CABIN1: variants seen among roughly 807,000 people sequenced by gnomAD.
CABIN1 encodes the protein calcineurin-binding protein cabin-1.
A neutral mutation model predicts 227.7 loss-of-function variants in CABIN1; 133 were observed. That is an observed-to-expected ratio of 0.58 (90% confidence interval 0.51 to 0.67). CABIN1 has a LOEUF of 0.67. Ranked by LOEUF, CABIN1 falls within the 30% of genes least tolerant of loss-of-function variation. The pLI is 0.00. For missense variants in CABIN1, 2,408 were observed against 2,852.5 expected, an observed-to-expected ratio of 0.84 and a Z score of 3.55; for synonymous variants, 1,086 against 1,155.1, an observed-to-expected ratio of 0.94 and a Z score of 1.21.
rs773669460 is a variant in CABIN1, at chr22:24,055,171, C to T, written c.1093+12C>T. 8 of 1,607,948 alleles carry T rather than the reference C, an allele frequency of 5.0e-6. No individual in the cohort carries two copies. Among genetic ancestry groups the T allele is most frequent in the Non-Finnish European group, 6.8e-6 (8 of 1,179,978 alleles). On this transcript the variant is annotated intron_variant, in intron 9 of 36. Coordinates refer to ENST00000263119, the MANE Select transcript of CABIN1 (RefSeq NM_012295.4). ...AGGCGCTCCTGTGGGTAAGCAGGCC[C>T]CCTGAATTTGGCTTCCGGGGAGACC...
chr22:24,097,910 TG>T, intron 25 of CABIN1, 103 bp from the exon 26 acceptor site: 1 of 1,442,276 alleles, frequency 6.9e-7, no homozygotes, highest in Non-Finnish European at 9.8e-7. Flanking sequence ...CAGAGGTGCA[TG>T]GGAGCAGTGG....
chr22:24,118,943 A>G (rs176160), intron 27 of CABIN1, among the ~76,000 whole-genome samples: 2 of 152,150 alleles, frequency 1.3e-5, no homozygotes, highest in African/African-American at 2.4e-5. Flanking sequence ...CTGAGCACTG[A>G]GCAGGGGAGC....
intron 31 of CABIN1, among the ~76,000 whole-genome samples, chr22:24,166,087 C>T (rs554969670): frequency 1.3e-5 from 2 of 152,322 alleles, no homozygotes; most frequent in Admixed American, 1.3e-4. Flanking sequence ...GGGAGTTGAG[C>T]CAGGACTGCC....
chr22:24,068,332 A>G (rs970625238), intron 16 of CABIN1, among the ~76,000 whole-genome samples: 4 of 152,140 alleles, frequency 2.6e-5, no homozygotes, highest in Non-Finnish European at 5.9e-5. Flanking sequence ...CAGCATGGCT[A>G]TGTGTGGGAG....
chr22:24,095,279 A>T (rs944991014), intron 24 of CABIN1, among the ~76,000 whole-genome samples: 5 of 152,256 alleles, frequency 3.3e-5, no homozygotes, highest in African/African-American at 1.2e-4. Context: ...ATCAGGGCAG[A>T]CCTGGTTTTA....
At chr22:24,143,584 T>C (rs2044914098) in intron 29 of CABIN1, among the ~76,000 whole-genome samples, 1 of 152,184 alleles carries the variant, frequency 6.6e-6, no homozygotes, top group African/African-American at 2.4e-5. Context: ...CTACCCTGCC[T>C]GCAGTGCCAC....
intron 29 of CABIN1, among the ~76,000 whole-genome samples, chr22:24,138,627 A>T (rs1193031589): frequency 6.6e-6 from 1 of 152,290 alleles, no homozygotes; most frequent in Admixed American, 6.5e-5. Context: ...AGTTTATTAT[A>T]AGGGATGTTA....
chr22:24,058,911 A>T (rs140646404), intron 10 of CABIN1, among the ~76,000 whole-genome samples: 1 of 152,228 alleles, frequency 6.6e-6, no homozygotes, highest in Non-Finnish European at 1.5e-5. Context: ...TCTAGAGGGT[A>T]AGCTTACTGC....
At chr22:24,159,651 T>C (rs2148606365) in intron 29 of CABIN1, among the ~76,000 whole-genome samples, 1 of 152,298 alleles carries the variant, frequency 6.6e-6, no homozygotes, top group Non-Finnish European at 1.5e-5. Flanking sequence ...GCATCCCAGC[T>C]GGGCATGGCC....
At chr22:24,148,997 A>C (rs2045326935) in intron 29 of CABIN1, among the ~76,000 whole-genome samples, 2 of 152,018 alleles carry the variant, frequency 1.3e-5, no homozygotes, top group Non-Finnish European at 2.9e-5. Context: ...CCCCAACCCC[A>C]CACACAACTT....
intron 12 of CABIN1, among the ~76,000 whole-genome samples, chr22:24,061,683 A>G (rs1345615801): frequency 6.6e-6 from 1 of 152,210 alleles, no homozygotes; most frequent in Admixed American, 6.5e-5. Context: ...TTGGCAGGTG[A>G]CAGGGCTGCC....
At chr22:24,046,584 A>G (rs1230224762) in intron 6 of CABIN1, among the ~76,000 whole-genome samples, 2 of 152,166 alleles carry the variant, frequency 1.3e-5, no homozygotes, top group East Asian at 1.9e-4. Context: ...TGCTTGGTAA[A>G]CTCAAGTCTT....
chr22:24,102,096 T>C (rs191812009), intron 26 of CABIN1: 1 of 152,342 alleles, frequency 6.6e-6, no homozygotes, highest in East Asian at 1.9e-4. Context: ...AGCCAAGAGA[T>C]ACTGGGTCTG....
chr22:24,083,492 A>C (rs1043024907), intron 20 of CABIN1, 103 bp downstream of exon 20: 14 of 1,300,506 alleles, frequency 1.1e-5, no homozygotes, highest in South Asian at 8.6e-5. Flanking sequence ...TCCTGCTTGG[A>C]GTTGCATCAG....
rs370324116 is a variant in CABIN1 at position 24,113,597 on chromosome 22, C to G, written c.4149C>G (p.Leu1383=). 2 of 1,614,066 alleles carry G rather than the reference C, an allele frequency of 1.2e-6. No individual in the cohort carries two copies. Among genetic ancestry groups the G allele is most frequent in the African/African-American group, 2.7e-5 (2 of 74,924 alleles). ...GCCAGGACAGCACAGCCGTAGCACT[C>G]TCAGACTCTAGCTCAACGCAGGACT... ...DRSQDSTAVA[L]SDSSSTQDFF... is the part of the protein sequence containing the mutation. Residue 1383 remains leucine, a synonymous_variant, in exon 27 of 37, where the codon CTC becomes CTG. Coordinates refer to ENST00000263119, the MANE Select transcript of CABIN1 (RefSeq NM_012295.4).
At chr22:24,108,268 C>T (rs1409483817) in intron 26 of CABIN1, among the ~76,000 whole-genome samples, 2 of 152,220 alleles carry the variant, frequency 1.3e-5, no homozygotes, top group Non-Finnish European at 2.9e-5. Context: ...CCCTTAAGCT[C>T]CTACAATGAC....
At chr22:24,064,352 C>T (rs888301344) in intron 15 of CABIN1, among the ~76,000 whole-genome samples, 165 bp downstream of exon 15, 1 of 152,006 alleles carries the variant, frequency 6.6e-6, no homozygotes, top group Non-Finnish European at 1.5e-5. Context: ...ATTACGGGTG[C>T]CCGCCGCCAT....
intron 29 of CABIN1, among the ~76,000 whole-genome samples, chr22:24,157,851 TG>T (rs985014219): frequency 6.6e-6 from 1 of 152,058 alleles, no homozygotes; most frequent in Non-Finnish European, 1.5e-5. Context: ...TATGCTTTTC[TG>T]GGGGGGCGGG....
Position 24,038,364 on chromosome 22 carries a change from CATT to C in CABIN1, c.114_116del (p.Leu39del). 1.2e-6 allele frequency: 2 copies of C among 1,613,652 alleles called. No homozygotes were observed. The highest frequency in any genetic ancestry group is 1.7e-6 in the Non-Finnish European group (2 of 1,179,596). On this transcript the variant is annotated inframe_deletion, in exon 4 of 37. Coordinates refer to ENST00000263119, the MANE Select transcript of CABIN1 (RefSeq NM_012295.4). ...GATTTGCAGGAAGCAGAGGCTTTTG[CATT>C]GTACCACAAGGCCCTTGATCTGCAG...
Sources: allele counts gnomAD v4.1 joint callset (sites outside exome capture counted in the v4.1 genomes callset), GRCh38; gene constraint gnomAD v4.1.1; transcripts MANE v1.5; gene names NCBI Gene and HGNC (gene_info 2026-07-23, HGNC 2026-07-21).